The following KLHL25 variants were observed in gnomAD, a reference collection of about 807,000 sequenced individuals.
The protein encoded by KLHL25 is kelch like family member 25.
Under a neutral mutation model 30.0 loss-of-function variants are expected in KLHL25, and 41 were observed. That is an observed-to-expected ratio of 1.37 (90% confidence interval 1.07 to 1.78). KLHL25 has a LOEUF of 1.78. Among genes scored for constraint, KLHL25 ranks in the 40% most tolerant of loss-of-function variants. The pLI is 0.00. For synonymous variants in KLHL25, 399 were observed against 355.3 expected, an observed-to-expected ratio of 1.12 and a Z score of -1.38; for missense variants, 971 against 824.5, an observed-to-expected ratio of 1.18 and a Z score of -2.18.
Position 85,768,029 on chromosome 15 carries a change from A to G in KLHL25, c.*12T>C. The G allele has an allele frequency of 6.2e-7, 1 of 1,603,206 alleles. No homozygotes were observed. Among genetic ancestry groups the G allele is most frequent in the South Asian group, 1.1e-5 (1 of 90,226 alleles). On this transcript the variant is annotated 3_prime_UTR_variant, in exon 2 of 3. Coordinates refer to ENST00000337975, the MANE Select transcript of KLHL25 (RefSeq NM_022480.4). ...GCCAGGGACTCACCTGGCTGGGCTC[A>G]GCAGGTGCTCCTCACGCGGGCAGGT...
At chr15:85,792,897 C>T (rs1381306502) in intron 1 of KLHL25, among the ~76,000 whole-genome samples, 2 of 152,180 alleles carry the variant, frequency 1.3e-5, no homozygotes, top group African/African-American at 4.8e-5. Flanking sequence ...AATCCATGTG[C>T]CAGCACTCCC....
At chr15:85,784,311 C>T (rs1391472815) in intron 1 of KLHL25, among the ~76,000 whole-genome samples, 3 of 152,022 alleles carry the variant, frequency 2.0e-5, no homozygotes, top group Admixed American at 6.6e-5. Flanking sequence ...GGCGGATCAC[C>T]GGAGGTCAGG....
At position 85,769,519 on chromosome 15, in the gene KLHL25, G is replaced by A. The variant is rs202155298; in HGVS notation, c.292C>T (p.Leu98=). The A allele has an allele frequency of 1.6e-5, 26 of 1,613,936 alleles. No individual in the cohort carries two copies. The Admixed American group carries it at 3.2e-4, about 20-fold the overall frequency. The part of the protein sequence containing the change: ...NFQDNLHPEV[L]ELLLDFAYSS... Reference sequence around the variant, plus strand: ...TAGGCAAAGTCCAGCAGCAGCTCCAGCACCTCCGGGTGCAGGTTGTCCTGG... The same window carrying A: ...TAGGCAAAGTCCAGCAGCAGCTCCAACACCTCCGGGTGCAGGTTGTCCTGG... The change falls in exon 2 of 3, where the codon CTG becomes TTG. Residue 98 remains leucine (L), a synonymous_variant. Transcript: ENST00000337975.
chr15:85,768,730 A>T lies in KLHL25; in HGVS notation c.1081T>A (p.Tyr361Asn). ...GACCATTCCTCATGTACGGTGTCGTACACCCAGACATCCTTGGAGACCCCG... is the reference window on the plus strand; with the variant it reads ...GACCATTCCTCATGTACGGTGTCGTTCACCCAGACATCCTTGGAGACCCCG... ...ENGVSKDVWV[Y>N]DTVHEEWSKA... Residue 361 changes from tyrosine (Y) to asparagine (N), a missense_variant, in exon 2 of 3, where the codon TAC becomes AAC. Coordinates refer to ENST00000337975, the MANE Select transcript of KLHL25 (RefSeq NM_022480.4). 1 of 1,613,314 alleles carries T rather than the reference A, an allele frequency of 6.2e-7. No individual in the cohort carries two copies. Among genetic ancestry groups the T allele is most frequent in the Non-Finnish European group, 8.5e-7 (1 of 1,179,926 alleles).
rs751173054 is a variant in KLHL25, at chr15:85,768,548, G to A, written c.1263C>T (p.Ala421=). The part of the protein sequence containing the change: ...LKQVEKYDPG[A]NKWMMVAPLR... ...AGGGGGCCACCATCATCCACTTGTT[G>A]GCCCCAGGGTCGTATTTCTCCACTT... The change falls in exon 2 of 3, where the codon GCC becomes GCT. Residue 421 remains alanine (A), a synonymous_variant. Transcript: ENST00000337975. 3 of 1,613,470 alleles carry A rather than the reference G, an allele frequency of 1.9e-6. No individual in the cohort carries two copies. The highest frequency in any genetic ancestry group is 3.3e-5 in the Admixed American group (2 of 60,008).
intron 1 of KLHL25, among the ~76,000 whole-genome samples, chr15:85,786,016 T>TCCCTTAC (rs1201346815): frequency 7.5e-6 from 1 of 133,762 alleles, no homozygotes; most frequent in African/African-American, 2.8e-5. Flanking sequence ...GTGAGATGCT[T>TCCCTTAC]CCCTTACTCT....
chr15:85,784,779 A>C (rs1391302315), intron 1 of KLHL25, among the ~76,000 whole-genome samples: 1 of 152,178 alleles, frequency 6.6e-6, no homozygotes. Context: ...GAGCCTCAAG[A>C]GCCCAGTACA....
intron 1 of KLHL25, among the ~76,000 whole-genome samples, chr15:85,785,425 A>G (rs539432896): frequency 6.6e-6 from 1 of 152,324 alleles, no homozygotes; most frequent in Admixed American, 6.5e-5. Context: ...GGTCCTTAGC[A>G]GAGTGGGTAG....
Position 85,768,641 on chromosome 15 carries a change from G to C in KLHL25, c.1170C>G (p.Leu390=). The part of the protein sequence containing the change: ...GHGSAELENC[L]YVVGGHTSLA... Reference sequence around the variant, plus strand: ...GGGATGTGTGTCCCCCCACCACATAGAGGCAGTTCTCCAGCTCAGCTGAGC... The same window carrying C: ...GGGATGTGTGTCCCCCCACCACATACAGGCAGTTCTCCAGCTCAGCTGAGC... Residue 390 remains leucine (L), a synonymous_variant, in exon 2 of 3, where the codon CTC becomes CTG. Coordinates refer to ENST00000337975, the MANE Select transcript of KLHL25 (RefSeq NM_022480.4). 1.9e-6 allele frequency: 3 copies of C among 1,613,140 alleles called. No individual in the cohort carries two copies. The highest frequency in any genetic ancestry group is 1.7e-5 in the Admixed American group (1 of 60,006).
At position 85,759,961 on chromosome 15, in the gene KLHL25, G is replaced by C. The variant is rs1324821217; in HGVS notation, c.*1075C>G. The C allele has an allele frequency of 6.6e-6, 1 of 152,262 alleles. No individual in the cohort carries two copies. The highest frequency in any genetic ancestry group is 2.4e-5 in the African/African-American group (1 of 41,450). The allele number at this position is 152,262 out of a possible 1,614,324, so 9.4% of individuals were successfully genotyped here. A position where few individuals can be genotyped will look rare whatever the true frequency, so the allele number is the denominator to read the frequency against. On this transcript the variant is annotated 3_prime_UTR_variant, in exon 3 of 3. Transcript: ENST00000337975. The stretch of plus-strand genomic sequence containing the variant: ...GCTGGTGAGGGACCCCAGTGACTCA[G>C]GAGGTGACAGCAATGAACAAATGTT...
At chr15:85,788,906 G>C (rs558140023) in intron 1 of KLHL25, among the ~76,000 whole-genome samples, 2 of 152,272 alleles carry the variant, frequency 1.3e-5, no homozygotes, top group African/African-American at 4.8e-5. Flanking sequence ...CCGGACAATG[G>C]ATGGAATCGC....
At chr15:85,765,627 AAAAAAAAAG>A (rs1224033193) in intron 2 of KLHL25, among the ~76,000 whole-genome samples, 192 of 124,488 alleles carry the variant, frequency 1.5e-3, no homozygotes, top group African/African-American at 5.3e-3. Flanking sequence ...GTCTCAAAAA[AAAAAAAAAG>A]AAGAAGAAGA....
intron 1 of KLHL25, among the ~76,000 whole-genome samples, chr15:85,791,766 AC>A (rs2089818945): frequency 1.3e-5 from 2 of 152,114 alleles, no homozygotes; most frequent in African/African-American, 4.8e-5. Context: ...TTGGTGCCAG[AC>A]CCCATTCTAG....
Position 85,760,918 on chromosome 15 carries a change from G to C in KLHL25, c.*118C>G, listed in dbSNP as rs1185301721. 1 of 152,360 alleles carries C rather than the reference G, an allele frequency of 6.6e-6. No individual in the cohort carries two copies. The highest frequency in any genetic ancestry group is 2.4e-5 in the African/African-American group (1 of 41,474). 9.4% of individuals were successfully genotyped at this position (152,360 alleles called of 1,614,324 possible). A position where few individuals can be genotyped will look rare whatever the true frequency, so the allele number is the denominator to read the frequency against. On this transcript the variant is annotated 3_prime_UTR_variant, in exon 3 of 3. Coordinates refer to ENST00000337975, the MANE Select transcript of KLHL25 (RefSeq NM_022480.4). ...GCTGCTGCTCCCCAGAGCTGGCAGGGCCCCTTCCACCTCTCGGAGTGCTGG... is the reference window on the plus strand; with the variant it reads ...GCTGCTGCTCCCCAGAGCTGGCAGGCCCCCTTCCACCTCTCGGAGTGCTGG...
chr15:85,769,084 A>G lies in KLHL25; in HGVS notation c.727T>C (p.Ser243Pro), dbSNP rs753586769. 3 of 1,606,432 alleles carry G rather than the reference A, an allele frequency of 1.9e-6. No homozygotes were observed. The highest frequency in any genetic ancestry group is 2.6e-6 in the Non-Finnish European group (3 of 1,175,354). Reference sequence around the variant, plus strand: ...GAGACGGCCTCCTGCAGGCAGTCGGACGGCAGCAAGGCCAGACGCACGCTG... The same window carrying G: ...GAGACGGCCTCCTGCAGGCAGTCGGGCGGCAGCAAGGCCAGACGCACGCTG... ...LRSVRLALLP[S>P]DCLQEAVSSE... is the part of the protein sequence containing the mutation. Residue 243 changes from serine (S) to proline (P), a missense_variant, in exon 2 of 3, where the codon TCC (serine) becomes CCC (proline). Coordinates refer to ENST00000337975, the MANE Select transcript of KLHL25 (RefSeq NM_022480.4).
At chr15:85,780,744 T>G (rs926376594) in intron 1 of KLHL25, among the ~76,000 whole-genome samples, 2 of 152,224 alleles carry the variant, frequency 1.3e-5, no homozygotes, top group Non-Finnish European at 2.9e-5. Context: ...GACACAACTC[T>G]TTCTTTACCC....
In KLHL25 at chr15:85,769,303, G is replaced by C; in HGVS notation, c.508C>G (p.Arg170Gly). The C allele has an allele frequency of 6.2e-7, 1 of 1,614,010 alleles. No homozygotes were observed. The highest frequency in any genetic ancestry group is 8.5e-7 in the Non-Finnish European group (1 of 1,179,982). Residue 170 changes from arginine (R) to glycine (G), a missense_variant, in exon 2 of 3, where the codon CGC (arginine) becomes GGC (glycine). Transcript: ENST00000337975. ...QCRRLYEFSW[R>G]MCLVHFETVR... ...GTCTCAAAGTGCACCAGGCACATGC[G>C]CCAGGAGAACTCATACAGCCGGCGG...
rs2089566234 is a variant in KLHL25, at chr15:85,759,605, G to A, written c.*1431C>T. The A allele has an allele frequency of 6.6e-6, 1 of 152,296 alleles. No individual in the cohort carries two copies. The highest frequency in any genetic ancestry group is 1.5e-5 in the Non-Finnish European group (1 of 68,084). The allele number at this position is 152,296 out of a possible 1,614,324, so 9.4% of individuals were successfully genotyped here. A position where few individuals can be genotyped will look rare whatever the true frequency, so the allele number is the denominator to read the frequency against. ...GGGTCCAAGGAGCCCCATGCAGCCA[G>A]TGCCCCATGGCGGGCGTGTCAGTGG... On this transcript the variant is annotated 3_prime_UTR_variant, in exon 3 of 3. Coordinates refer to ENST00000337975, the MANE Select transcript of KLHL25 (RefSeq NM_022480.4).
chr15:85,792,528 T>A (rs2089824356), intron 1 of KLHL25, among the ~76,000 whole-genome samples: 1 of 151,906 alleles, frequency 6.6e-6, no homozygotes, highest in East Asian at 1.9e-4. Context: ...AGGGGGTAGG[T>A]TCTCCCAGGA....
Sources: gnomAD v4.1 joint callset for allele counts (sites outside exome capture counted in the v4.1 genomes callset) on GRCh38, gnomAD v4.1.1 for gene constraint, MANE v1.5 for transcripts, NCBI Gene and HGNC (gene_info 2026-07-23, HGNC 2026-07-21) for gene names.